Variants in SLC19A1 observed in about 807,000 individuals in gnomAD.
The protein encoded by SLC19A1 is reduced folate transporter.
SLC19A1 carries 37 observed loss-of-function variants against 35.3 expected under a neutral mutation model. The observed-to-expected ratio is 1.05, with a 90% CI of 0.81 to 1.38. SLC19A1 has a LOEUF of 1.38. Ranked by LOEUF, SLC19A1 falls within the 40% of genes most tolerant of loss-of-function variation. The pLI, the probability that SLC19A1 is intolerant of heterozygous loss-of-function variation, is 0.00. For missense variants in SLC19A1, 831 were observed against 826.9 expected, an observed-to-expected ratio of 1.00 and a Z score of -0.06; for synonymous variants, 460 against 398.5, an observed-to-expected ratio of 1.15 and a Z score of -1.84.
intron 5 of SLC19A1, among the ~76,000 whole-genome samples, chr21:45,525,308 G>A (rs558795044): frequency 1.2e-4 from 19 of 152,228 alleles, no homozygotes; most frequent in South Asian, 2.1e-4. Flanking sequence ...CAGCTCACTC[G>A]GAGACCCGGC....
intron 2 of SLC19A1, chr21:45,536,022 G>C (rs1288602761): frequency 1.3e-5 from 4 of 299,682 alleles, no homozygotes; most frequent in African/African-American, 2.3e-5. Flanking sequence ...CGGCGCCCAC[G>C]TGCCTGCTCC....
At chr21:45,543,901 C>T (rs548017846), upstream of SLC19A1, 1 of 152,752 alleles carries the variant, frequency 6.5e-6, no homozygotes, top group East Asian at 1.9e-4. Flanking sequence ...AGGGGCCCTT[C>T]CTTCCCTCCA....
chr21:45,536,066 G>A (rs1602865932), intron 2 of SLC19A1: 4 of 356,712 alleles, frequency 1.1e-5, no homozygotes, highest in Non-Finnish European at 1.6e-5. Context: ...CAGGAGGGAG[G>A]GCGTGATGAA....
At chr21:45,556,291 C>A (rs539127386) in intron 1 of SLC19A1, among the ~76,000 whole-genome samples, 28 of 152,176 alleles carry the variant, frequency 1.8e-4, no homozygotes, top group Non-Finnish European at 3.4e-4. Context: ...ACAGAAAGAC[C>A]GGGCGGACCC....
At chr21:45,516,628 C>T (rs753756077) in intron 5 of SLC19A1, among the ~76,000 whole-genome samples, 197 of 152,346 alleles carry the variant, frequency 1.3e-3, no homozygotes, top group East Asian at 1.2e-3. Flanking sequence ...ATCTCGGCAG[C>T]GGAAGCTGTG....
intron 1 of SLC19A1, among the ~76,000 whole-genome samples, chr21:45,551,562 T>G (rs1445345638): frequency 6.6e-6 from 1 of 152,240 alleles, no homozygotes; most frequent in Non-Finnish European, 1.5e-5. Context: ...CAGAGAATGA[T>G]TCAAACGTTT....
At position 45,516,863 on chromosome 21, in the gene SLC19A1, A is replaced by G. The variant is rs73907587; in HGVS notation, c.1294-723T>C. Among the ~76,000 whole-genome samples, 779 of 152,298 alleles carry G rather than the reference A, an allele frequency of 5.1e-3. 4 individuals carry two copies. Among genetic ancestry groups the G allele is most frequent in the African/African-American group, 0.018 (751 of 41,574 alleles). The stretch of plus-strand genomic sequence containing the variant: ...CCTGAGGCCCCAGCTCCACATCCGC[A>G]GGCCAGAATCCCTGCAGCCCATCGG... On this transcript the variant is annotated intron_variant, in intron 5 of 5. Transcript: ENST00000311124.
intron 5 of SLC19A1, among the ~76,000 whole-genome samples, chr21:45,523,493 C>G (rs576886085): frequency 1.3e-5 from 2 of 152,334 alleles, no homozygotes; most frequent in African/African-American, 4.8e-5. Context: ...TCGTGACCAG[C>G]TCTCTGGGGA....
chr21:45,509,408 A>AC (rs2146119824), downstream of SLC19A1: 1 of 1,541,482 alleles, frequency 6.5e-7, no homozygotes, highest in African/African-American at 1.4e-5. Context: ...CACGACAGCA[A>AC]CCCCTACCCG....
downstream of SLC19A1, chr21:45,509,379 GC>G (rs1344008575): frequency 3.2e-6 from 5 of 1,542,240 alleles, no homozygotes; most frequent in Admixed American, 1.9e-5. Context: ...CCGCCTTGCA[GC>G]CCCCCGTGGT....
intron 5 of SLC19A1, among the ~76,000 whole-genome samples, chr21:45,520,571 T>C (rs1438209185): frequency 6.6e-6 from 1 of 152,212 alleles, no homozygotes; most frequent in Non-Finnish European, 1.5e-5. Flanking sequence ...TACACTGTTA[T>C]GGAATGAATT....
rs1602694236 is a variant in SLC19A1 at position 45,516,252 on chromosome 21, C to G, written c.1294-112G>C. ...CCCTCCTCCAGCTCAGAGGCTGACC[C>G]TGAACACTGCACAGCGGTCAGAGGC... On this transcript the variant is annotated intron_variant, in intron 5 of 5. Transcript: ENST00000311124. 48 of 814,140 alleles carry G rather than the reference C, an allele frequency of 5.9e-5. 1 individual carries two copies. The East Asian group carries it at 1.2e-3, about 21-fold the overall frequency. 50.4% of individuals were successfully genotyped at this position (814,140 alleles called of 1,614,324 possible). A position where few individuals can be genotyped will look rare whatever the true frequency, so the allele number is the denominator to read the frequency against.
At chr21:45,528,992 A>G (rs1295177112) in intron 4 of SLC19A1, among the ~76,000 whole-genome samples, 3 of 152,270 alleles carry the variant, frequency 2.0e-5, no homozygotes, top group Non-Finnish European at 2.9e-5. Flanking sequence ...CCCTGGCTGC[A>G]GCAATGGGAC....
chr21:45,509,642 C>T (rs1027217043), downstream of SLC19A1: 18 of 1,026,456 alleles, frequency 1.8e-5, no homozygotes, highest in Admixed American at 1.4e-4. Flanking sequence ...CATCTAGCCC[C>T]TCGGCTCTCG....
At position 45,532,041 on chromosome 21, in the gene SLC19A1, CT is replaced by C. The variant is rs1344856864; in HGVS notation, c.296del (p.Gln99ArgfsTer105). 2 of 1,612,236 alleles carry C rather than the reference CT, an allele frequency of 1.2e-6. No individual in the cohort carries two copies. The highest frequency in any genetic ancestry group is 1.7e-6 in the Non-Finnish European group (2 of 1,179,916). The stretch of plus-strand genomic sequence containing the variant: ...GCCACACCGACACGAAGCTGAGCCC[CT>C]GCAGCAGCAGCACCGGCGTGTAGCG... ...YLRYTPVLLL[Q>X]GLSFVSVWLL... On this transcript the variant is annotated frameshift_variant, in exon 3 of 6. Transcript: ENST00000311124. LOFTEE classifies it high-confidence loss of function.
chr21:45,512,163 A>T (rs2037649774), downstream of SLC19A1: 1 of 1,600,784 alleles, frequency 6.2e-7, no homozygotes, highest in African/African-American at 1.3e-5. Context: ...TCTGGGTTTG[A>T]CTGACGGCCC....
chr21:45,555,195 GGGGCGGCGCAGGGGGCGGT>G lies in SLC19A1; in HGVS notation c.-50+7528_-50+7546del, dbSNP rs1178495771. Among the ~76,000 whole-genome samples, 13 of 43,248 alleles carry G rather than the reference GGGGCGGCGCAGGGGGCGGT, an allele frequency of 3.0e-4. 1 individual carries two copies. Among genetic ancestry groups the G allele is most frequent in the Admixed American group, 2.5e-3 (12 of 4,860 alleles). The allele number at this position is 43,248 out of a possible 152,430, so 28.4% of individuals were successfully genotyped here. ...GCAGGGGGCGGTGCAGGGGGCGGCG[GGGGCGGCGCAGGGGGCGGT>G]GGGGGGCGCCGGGGGGCGGCGCAGG... On this transcript the variant is annotated intron_variant, in intron 1 of 5. Coordinates refer to the SLC19A1 transcript ENST00000650808.
chr21:45,512,677 T>G lies in SLC19A1; in HGVS notation c.*2981A>C. On this transcript the variant is annotated 3_prime_UTR_variant, in exon 6 of 6. Transcript: ENST00000311124. ...AGGCAGGGTGCAGTATCATGCCCTGTGCAACCTCTTGGCCTGATCAGACCA... is the reference window on the plus strand; with the variant it reads ...AGGCAGGGTGCAGTATCATGCCCTGGGCAACCTCTTGGCCTGATCAGACCA... The G allele has an allele frequency of 1.9e-6, 1 of 518,450 alleles. No individual in the cohort carries two copies. The highest frequency in any genetic ancestry group is 3.5e-6 in the Non-Finnish European group (1 of 285,010). 32.1% of individuals were successfully genotyped at this position (518,450 alleles called of 1,614,324 possible).
In SLC19A1 at chr21:45,517,612, G is replaced by A. The variant is rs928976763; in HGVS notation, c.1294-1472C>T. ...GGAGTCAGCAGAGACCATATGGGGAGCCTGGCCTCTTATCCTCACCCAGTA... is the reference window on the plus strand; with the variant it reads ...GGAGTCAGCAGAGACCATATGGGGAACCTGGCCTCTTATCCTCACCCAGTA... On this transcript the variant is annotated intron_variant, in intron 5 of 5. Transcript: ENST00000311124. This position sits in a 1 kb window ranked among gnomAD's most constrained non-coding sequence, Gnocchi z 4.4. 6.6e-6 allele frequency among the ~76,000 whole-genome samples: 1 copy of A among 151,452 alleles called. No homozygotes were observed. Among genetic ancestry groups the A allele is most frequent in the Non-Finnish European group, 1.5e-5 (1 of 67,926 alleles).
Sources: allele counts gnomAD v4.1 joint callset (sites outside exome capture counted in the v4.1 genomes callset), GRCh38; gene constraint gnomAD v4.1.1; non-coding constraint Gnocchi (gnomAD v3.1); transcripts MANE v1.5; gene names NCBI Gene and HGNC (gene_info 2026-07-23, HGNC 2026-07-21).